The following UNC79 variants were observed in gnomAD, a reference collection of about 807,000 sequenced individuals.
UNC79 encodes unc-79 subunit of NALCN channel complex, also known as protein unc-79 homolog.
A neutral mutation model predicts 283.1 loss-of-function variants in UNC79; 37 were observed. That is an observed-to-expected ratio of 0.13 (90% CI 0.10 to 0.17). The LOEUF (loss-of-function observed/expected upper bound fraction) is 0.17, where lower values mean the gene tolerates loss of function less well. UNC79 is among the 10% of genes least tolerant of loss of function. The pLI is 1.00. For missense variants in UNC79, 2,272 were observed against 3,211.1 expected (o/e 0.71, Z 7.07); for synonymous variants, 1,107 against 1,200.2 (o/e 0.92, Z 1.61).
At chr14:93,340,600 T>G (rs1287556884) in intron 1 of UNC79, among the ~76,000 whole-genome samples, 1 of 150,572 alleles carries the variant, frequency 6.6e-6, no homozygotes, top group African/African-American at 2.4e-5. Context: ...AGACAGGGTA[T>G]CACTCTGTTT....
intron 5 of UNC79, among the ~76,000 whole-genome samples, chr14:93,492,097 A>T (rs960662693): frequency 6.6e-6 from 1 of 152,198 alleles, no homozygotes; most frequent in Non-Finnish European, 1.5e-5. Flanking sequence ...CCTTCTATAT[A>T]CAGGGCTTTG....
At chr14:93,401,181 A>G (rs1030381143) in intron 1 of UNC79, among the ~76,000 whole-genome samples, 1 of 152,244 alleles carries the variant, frequency 6.6e-6, no homozygotes, top group Non-Finnish European at 1.5e-5. Flanking sequence ...GATAATCTTC[A>G]ACATGTAAAT....
intron 14 of UNC79, among the ~76,000 whole-genome samples, chr14:93,570,122 A>C (rs1216942846): frequency 6.6e-6 from 1 of 152,046 alleles, no homozygotes; most frequent in Admixed American, 6.6e-5. Flanking sequence ...AATTTAAAAA[A>C]ATTTTGTTTA....
At chr14:93,537,028 A>G (rs1048662842) in intron 11 of UNC79, among the ~76,000 whole-genome samples, 3 of 152,102 alleles carry the variant, frequency 2.0e-5, no homozygotes, top group Non-Finnish European at 4.4e-5. Context: ...CTAGGTGAAG[A>G]CAGATTAATT....
At chr14:93,497,815 G>A (rs549981251) in intron 7 of UNC79, among the ~76,000 whole-genome samples, 16 of 151,938 alleles carry the variant, frequency 1.1e-4, no homozygotes, top group Non-Finnish European at 1.6e-4. Context: ...GTGAAACCCC[G>A]TCTCTACTAA....
In UNC79 at chr14:93,351,056, G is replaced by A. The variant is rs543526400; in HGVS notation, c.-351+17533G>A. Among the ~76,000 whole-genome samples, 13 of 150,200 alleles carry A rather than the reference G, an allele frequency of 8.7e-5. No homozygotes were observed. The South Asian group carries it at 2.5e-3, about 29-fold the overall frequency. On this transcript the variant is annotated intron_variant, in intron 1 of 49. Transcript: ENST00000256339. ...AGACTCTGTGTCTGATTAAATTCATGTACTCTTTTCAACAGGTTTGACTTT... is the reference window on the plus strand; with the variant it reads ...AGACTCTGTGTCTGATTAAATTCATATACTCTTTTCAACAGGTTTGACTTT...
At chr14:93,434,839 C>T (rs933541028) in intron 1 of UNC79, among the ~76,000 whole-genome samples, 1 of 152,142 alleles carries the variant, frequency 6.6e-6, no homozygotes, top group Admixed American at 6.5e-5. Flanking sequence ...CAATTATTAT[C>T]ATCATCATCA....
intron 23 of UNC79, among the ~76,000 whole-genome samples, chr14:93,594,426 C>T (rs1201662237): frequency 6.6e-6 from 1 of 152,134 alleles, no homozygotes. Context: ...CATGCTACTA[C>T]ACCAGGCTAA....
chr14:93,576,570 G>A (rs892910912), intron 17 of UNC79, among the ~76,000 whole-genome samples: 2 of 152,128 alleles, frequency 1.3e-5, no homozygotes, highest in African/African-American at 2.4e-5. Context: ...TAGTATTATG[G>A]GAAAGCTTAA....
intron 1 of UNC79, among the ~76,000 whole-genome samples, chr14:93,337,895 C>A (rs543546588): frequency 6.6e-6 from 1 of 152,050 alleles, no homozygotes; most frequent in Non-Finnish European, 1.5e-5. Context: ...CAGTAGAAGC[C>A]GCTTGTGGTA....
chr14:93,654,919 A>T (rs1236258411), intron 37 of UNC79, among the ~76,000 whole-genome samples: 1 of 152,222 alleles, frequency 6.6e-6, no homozygotes, highest in Non-Finnish European at 1.5e-5. Context: ...CTCTATGCTC[A>T]GTCTTTGTGC....
At chr14:93,463,952 A>G (rs1231921295) in intron 1 of UNC79, among the ~76,000 whole-genome samples, 5 of 152,104 alleles carry the variant, frequency 3.3e-5, no homozygotes, top group Non-Finnish European at 7.4e-5. Flanking sequence ...GATTGAGACC[A>G]TACTGGCTAA....
At chr14:93,672,227 G>T (rs2072938194) in intron 40 of UNC79, among the ~76,000 whole-genome samples, 1 of 152,166 alleles carries the variant, frequency 6.6e-6, no homozygotes, top group African/African-American at 2.4e-5. Flanking sequence ...AAGGATACCT[G>T]CACTCCCATG....
chr14:93,546,532 G>A (rs1393032761), intron 14 of UNC79, among the ~76,000 whole-genome samples: 1 of 152,206 alleles, frequency 6.6e-6, no homozygotes, highest in Admixed American at 6.5e-5. Context: ...CTGAATTCTG[G>A]AGGAATCAAG....
chr14:93,423,087 A>G (rs1385051322), intron 1 of UNC79, among the ~76,000 whole-genome samples: 22 of 146,726 alleles, frequency 1.5e-4, no homozygotes, highest in African/African-American at 4.3e-4. Context: ...AAAAAAAAAA[A>G]AAAAGAAAAG....
chr14:93,656,685 A>G (rs530822261), intron 38 of UNC79, among the ~76,000 whole-genome samples: 8 of 152,228 alleles, frequency 5.3e-5, no homozygotes, highest in African/African-American at 1.9e-4. Flanking sequence ...AAGTATTTTA[A>G]AAATTAGCCA....
chr14:93,350,436 T>A lies in UNC79; in HGVS notation c.-351+16913T>A, dbSNP rs201935365. 1.9e-4 allele frequency among the ~76,000 whole-genome samples: 29 copies of A among 152,248 alleles called. No individual in the cohort carries two copies. In the East Asian group the frequency reaches 4.4e-3, roughly 23 times the overall value. On this transcript the variant is annotated intron_variant, in intron 1 of 49. Transcript: ENST00000256339. Reference sequence around the variant, plus strand: ...TTAAAGTAAAATAACTGGTTATTTTTAAAAAGAACTGTAATGTAAGACAAG... The same window carrying A: ...TTAAAGTAAAATAACTGGTTATTTTAAAAAAGAACTGTAATGTAAGACAAG...
chr14:93,451,348 TAGTC>T (rs2056634234), intron 1 of UNC79, among the ~76,000 whole-genome samples: 1 of 152,238 alleles, frequency 6.6e-6, no homozygotes, highest in East Asian at 1.9e-4. Context: ...CTCTTTGACT[TAGTC>T]AGATTCACAG....
At chr14:93,616,346 TTTTC>T (rs1489932020) in intron 27 of UNC79, among the ~76,000 whole-genome samples, 1 of 149,336 alleles carries the variant, frequency 6.7e-6, no homozygotes, top group African/African-American at 2.5e-5. Flanking sequence ...GGTATATGCT[TTTTC>T]TTTCTTTCTT....
Sources: gnomAD v4.1 joint callset for allele counts (sites outside exome capture counted in the v4.1 genomes callset) on GRCh38, gnomAD v4.1.1 for gene constraint, MANE v1.5 for transcripts, NCBI Gene and HGNC (gene_info 2026-07-23, HGNC 2026-07-21) for gene names.